The following TNRC6B variants were observed in gnomAD, a reference collection of about 807,000 sequenced individuals.
TNRC6B encodes the protein trinucleotide repeat-containing gene 6B protein.
A neutral mutation model predicts 203.6 loss-of-function variants in TNRC6B; 52 were observed. That is an observed-to-expected ratio of 0.26 (90% CI 0.20 to 0.32). The LOEUF (loss-of-function observed/expected upper bound fraction) is 0.32, where lower values mean the gene tolerates loss of function less well. Ranked by LOEUF, TNRC6B falls within the 10% of genes least tolerant of loss-of-function variation. The probability of loss-of-function intolerance (pLI) is 1.00; values close to 1 mark genes in which losing one functional copy is unlikely to be tolerated. For synonymous variants in TNRC6B, 838 were observed against 845.7 expected, an observed-to-expected ratio of 0.99 and a Z score of 0.16; for missense variants, 1,923 against 2,286.2, an observed-to-expected ratio of 0.84 and a Z score of 3.24.
chr22:40,050,856 G>A (rs1275274818), intron 1 of TNRC6B, among the ~76,000 whole-genome samples: 4 of 149,000 alleles, frequency 2.7e-5, no homozygotes, highest in African/African-American at 7.5e-5. Flanking sequence ...ACAGAGTCTC[G>A]CTCTGTTGCC....
chr22:40,275,442 G>A (rs926072582), intron 7 of TNRC6B, among the ~76,000 whole-genome samples: 1 of 151,712 alleles, frequency 6.6e-6, no homozygotes, highest in South Asian at 2.1e-4. Flanking sequence ...TACCGAGGGC[G>A]TTTTTTTTAA....
At chr22:40,144,626 G>T (rs1400492402) in intron 3 of TNRC6B, among the ~76,000 whole-genome samples, 1 of 144,274 alleles carries the variant, frequency 6.9e-6, no homozygotes, top group East Asian at 2.0e-4. Context: ...AGTGAGCCGA[G>T]ATTGTGCCAC....
intron 7 of TNRC6B, 139 bp downstream of exon 7, chr22:40,273,739 G>C (rs1056312296): frequency 1.1e-6 from 1 of 904,530 alleles, no homozygotes; most frequent in South Asian, 1.8e-5. Context: ...GTCACGACTC[G>C]CTGAGCAACC....
At position 40,332,588 on chromosome 22, in the gene TNRC6B, T is replaced by A. The variant is rs1288337124; in HGVS notation, c.*9347T>A. 6.6e-6 allele frequency: 1 copy of A among 152,570 alleles called. No individual in the cohort carries two copies. The highest frequency in any genetic ancestry group is 6.6e-5 in the Admixed American group (1 of 15,264). The allele number at this position is 152,570 out of a possible 1,614,324, so 9.5% of individuals were successfully genotyped here. Reference sequence around the variant, plus strand: ...GTACTGTAACGAGTAACAGACTTGATCACAGTCTCCTCGTGCCTGTGCAGG... The same window carrying A: ...GTACTGTAACGAGTAACAGACTTGAACACAGTCTCCTCGTGCCTGTGCAGG... On this transcript the variant is annotated 3_prime_UTR_variant, in exon 23 of 23. Coordinates refer to ENST00000454349, the MANE Select transcript of TNRC6B (RefSeq NM_001162501.2).
rs1192933473 is a variant in TNRC6B at position 40,310,850 on chromosome 22, G to C, written c.4292G>C (p.Gly1431Ala). ...GTGGCCCCTGGTAAAACCCGGGGAG[G>C]GTCACCGTACAACCAGTTTGATATC... is the stretch of plus-strand genomic sequence containing the variant. ...AIVAPGKTRG[G>A]SPYNQFDIIP... The change falls in exon 17 of 23, where the codon GGG (glycine) becomes GCG (alanine). Residue 1431 changes from glycine (G) to alanine (A), a missense_variant. Physicochemically the swap from Gly to Ala is moderately conservative, Grantham distance 60 (BLOSUM62 0). Transcript: ENST00000454349. The C allele has an allele frequency of 6.2e-7, 1 of 1,612,742 alleles. No homozygotes were observed.
At chr22:40,229,816 A>T (rs950395421) in intron 1 of TNRC6B, among the ~76,000 whole-genome samples, 1 of 152,212 alleles carries the variant, frequency 6.6e-6, no homozygotes, top group Non-Finnish European at 1.5e-5. Context: ...CTGAGTAAGT[A>T]GCATTCTGTT....
chr22:40,223,750 CAT>C (rs1052269438), intron 1 of TNRC6B, among the ~76,000 whole-genome samples: 2 of 152,198 alleles, frequency 1.3e-5, no homozygotes, highest in South Asian at 2.1e-4. Flanking sequence ...TAATTTGCCA[CAT>C]GTGTAATTCT....
At chr22:40,305,127 G>C (rs182638250) in intron 15 of TNRC6B, among the ~76,000 whole-genome samples, 2 of 152,174 alleles carry the variant, frequency 1.3e-5, no homozygotes, top group Non-Finnish European at 1.5e-5. Flanking sequence ...ATGAATTAGG[G>C]TGTGTGGAGA....
chr22:40,081,307 G>GTTTTTTTTTTT, intron 1 of TNRC6B, among the ~76,000 whole-genome samples: 1 of 101,494 alleles, frequency 9.9e-6, no homozygotes, highest in Non-Finnish European at 1.9e-5. Context: ...GTGTCTGCGT[G>GTTTTTTTTTTT]TTTTTTTTTT....
intron 1 of TNRC6B, among the ~76,000 whole-genome samples, chr22:40,232,804 G>C (rs2069892457): frequency 6.6e-6 from 1 of 152,194 alleles, no homozygotes; most frequent in African/African-American, 2.4e-5. Context: ...CTTGATAACA[G>C]GAATTCGAGA....
chr22:40,227,452 C>G (rs2069806523), intron 1 of TNRC6B, among the ~76,000 whole-genome samples: 1 of 140,296 alleles, frequency 7.1e-6, no homozygotes, highest in Non-Finnish European at 1.5e-5. Context: ...CAGGTTCAAG[C>G]AATTCTGCTG....
chr22:40,165,747 G>C lies in TNRC6B; in HGVS notation c.113+9565G>C, dbSNP rs555449212. On this transcript the variant is annotated intron_variant, in intron 4 of 23. Coordinates refer to the TNRC6B transcript ENST00000301923. ...CTTGGCGGCAGAAAGGAGAAGTGCT[G>C]AGCAATGGGGGGGAAAGCTCCTTAT... Among the ~76,000 whole-genome samples the C allele has an allele frequency of 5.3e-5, 8 of 152,236 alleles. No individual in the cohort carries two copies. In the South Asian group the frequency reaches 1.7e-3, roughly 32 times the overall value.
chr22:40,080,698 T>G (rs1777241424), intron 1 of TNRC6B, among the ~76,000 whole-genome samples: 1 of 152,150 alleles, frequency 6.6e-6, no homozygotes, highest in Non-Finnish European at 1.5e-5. Context: ...CCTCTTATCC[T>G]CAGGCAGTTA....
At chr22:40,100,335 C>T (rs904856253) in intron 1 of TNRC6B, among the ~76,000 whole-genome samples, 1 of 151,910 alleles carries the variant, frequency 6.6e-6, no homozygotes, top group Non-Finnish European at 1.5e-5. Context: ...AGTGATCCGC[C>T]TGCCTTGGCT....
chr22:40,307,960 T>A (rs2071113288), intron 15 of TNRC6B, among the ~76,000 whole-genome samples: 1 of 152,180 alleles, frequency 6.6e-6, no homozygotes, highest in African/African-American at 2.4e-5. Flanking sequence ...ACTCTCCGCC[T>A]CACTTCATCC....
At chr22:40,183,322 C>G (rs1023592989) in intron 1 of TNRC6B, among the ~76,000 whole-genome samples, 2 of 152,158 alleles carry the variant, frequency 1.3e-5, no homozygotes, top group Non-Finnish European at 2.9e-5. Flanking sequence ...CAGAATGGCT[C>G]TGTTCTTTCT....
At chr22:40,073,276 A>G (rs1011435088) in intron 1 of TNRC6B, among the ~76,000 whole-genome samples, 2 of 151,474 alleles carry the variant, frequency 1.3e-5, no homozygotes, top group African/African-American at 4.9e-5. Context: ...TGCAGAGTGT[A>G]ATATAGAACA....
chr22:40,144,384 T>C (rs1411247300), intron 3 of TNRC6B, among the ~76,000 whole-genome samples: 1 of 152,050 alleles, frequency 6.6e-6, no homozygotes, highest in Non-Finnish European at 1.5e-5. Context: ...AGTTTAAAAA[T>C]TGAACTCTTG....
intron 1 of TNRC6B, among the ~76,000 whole-genome samples, chr22:40,073,116 C>T (rs1446294028): frequency 6.6e-6 from 1 of 150,782 alleles, no homozygotes; most frequent in African/African-American, 2.4e-5. Context: ...TACTGCCCCA[C>T]ACCCTACACA....
Sources: allele counts gnomAD v4.1 joint callset (sites outside exome capture counted in the v4.1 genomes callset), GRCh38; gene constraint gnomAD v4.1.1; transcripts MANE v1.5; gene names NCBI Gene and HGNC (gene_info 2026-07-23, HGNC 2026-07-21).